Variants in IREB2 observed in about 807,000 individuals in gnomAD.
The protein encoded by IREB2 is iron responsive element binding protein 2, also known as iron-responsive element-binding protein 2.
In IREB2, 39 loss-of-function variants were observed where a neutral mutation model predicts 118.8. The ratio of observed to expected loss-of-function variants is 0.33; its 90% CI spans 0.25 to 0.43. The LOEUF is 0.43. Ranked by LOEUF, IREB2 falls within the 20% of genes least tolerant of loss-of-function variation. The pLI, the probability that IREB2 is intolerant of heterozygous loss-of-function variation, is 1.00. For synonymous variants in IREB2, 372 were observed against 392.2 expected, an observed-to-expected ratio of 0.95 and a Z score of 0.61; for missense variants, 900 against 1,147.3, an observed-to-expected ratio of 0.78 and a Z score of 3.11.
At chr15:78,477,475 AC>A (rs2051491442) in intron 9 of IREB2, among the ~76,000 whole-genome samples, 1 of 152,128 alleles carries the variant, frequency 6.6e-6, no homozygotes, top group Non-Finnish European at 1.5e-5. Flanking sequence ...CAGGCAAAAC[AC>A]CCTCATGTGG....
chr15:78,465,559 T>C (rs558671539), intron 4 of IREB2, among the ~76,000 whole-genome samples, 171 bp downstream of exon 4: 2 of 152,278 alleles, frequency 1.3e-5, no homozygotes, highest in East Asian at 1.9e-4. Flanking sequence ...GTGGTGGGGT[T>C]TTTTTCATGT....
intron 16 of IREB2, among the ~76,000 whole-genome samples, chr15:78,490,199 G>A (rs1024344314): frequency 6.6e-6 from 1 of 152,012 alleles, no homozygotes; most frequent in African/African-American, 2.4e-5. Flanking sequence ...TATCGCTTGA[G>A]CTCAGGAGTT....
chr15:78,450,572 A>G (rs1007647902), intron 2 of IREB2, among the ~76,000 whole-genome samples: 3 of 152,130 alleles, frequency 2.0e-5, no homozygotes, highest in African/African-American at 7.2e-5. Flanking sequence ...GCGTTGGGAA[A>G]ACAGATGCTG....
chr15:78,456,509 T>G (rs1196414012), intron 2 of IREB2, among the ~76,000 whole-genome samples: 2 of 151,568 alleles, frequency 1.3e-5, no homozygotes, highest in East Asian at 3.9e-4. Flanking sequence ...CAAAAAAAAA[T>G]TACGAGAATC....
At chr15:78,493,756 C>T (rs2051791445) in intron 18 of IREB2, among the ~76,000 whole-genome samples, 153 bp from the exon 19 acceptor site, 1 of 152,072 alleles carries the variant, frequency 6.6e-6, no homozygotes, top group Non-Finnish European at 1.5e-5. Context: ...TAAGTTATAG[C>T]TTGGTGATAG....
intron 18 of IREB2, among the ~76,000 whole-genome samples, chr15:78,493,096 CAT>C (rs1036500906): frequency 3.3e-5 from 5 of 152,092 alleles, no homozygotes; most frequent in Non-Finnish European, 5.9e-5. Flanking sequence ...CTGGATCTGA[CAT>C]GTGATTTACA....
At chr15:78,461,757 A>G (rs1007298424) in intron 2 of IREB2, among the ~76,000 whole-genome samples, 1 of 152,166 alleles carries the variant, frequency 6.6e-6, no homozygotes, top group East Asian at 1.9e-4. Flanking sequence ...TTTAGCTCTC[A>G]TTAGCTACTC....
chr15:78,490,269 A>C (rs910490121), intron 16 of IREB2, among the ~76,000 whole-genome samples, 153 bp from the exon 17 acceptor site: 6 of 151,826 alleles, frequency 4.0e-5, no homozygotes, highest in Admixed American at 6.6e-5. Flanking sequence ...AAAAGAATAC[A>C]CTCTTAATTT....
At position 78,466,158 on chromosome 15, in the gene IREB2, T is replaced by G. The variant is rs2051277929; in HGVS notation, c.411-113T>G. On this transcript the variant is annotated intron_variant, in intron 4 of 21. Coordinates refer to ENST00000258886, the MANE Select transcript of IREB2 (RefSeq NM_004136.4). Reference sequence around the variant, plus strand: ...CCTGAGTTAAATGATACATTAGCCTTTAAACATCATTCAGTTACTTCCAGA... The same window carrying G: ...CCTGAGTTAAATGATACATTAGCCTGTAAACATCATTCAGTTACTTCCAGA... 4.8e-6 allele frequency: 3 copies of G among 625,866 alleles called. No individual in the cohort carries two copies. In the East Asian group the frequency reaches 8.3e-5, roughly 17 times the overall value. 38.8% of individuals were successfully genotyped at this position (625,866 alleles called of 1,614,324 possible).
chr15:78,468,769 T>C (rs551189675), intron 5 of IREB2, among the ~76,000 whole-genome samples: 2 of 152,316 alleles, frequency 1.3e-5, no homozygotes, highest in Non-Finnish European at 2.9e-5. Context: ...CCTCGTGTGC[T>C]CTTCCTTTCT....
Position 78,488,316 on chromosome 15 carries a change from A to G in IREB2, c.1931A>G (p.Asp644Gly). The change falls in exon 15 of 22, where the codon GAT (aspartate) becomes GGT (glycine). Residue 644 changes from aspartate (D) to glycine (G), a missense_variant. Asp to Gly is a moderately conservative substitution (Grantham distance 94). Coordinates refer to ENST00000258886, the MANE Select transcript of IREB2 (RefSeq NM_004136.4). The stretch of plus-strand genomic sequence containing the variant: ...GCCATAGCAGGCACAGTGAATATAG[A>G]TTTCCAGACAGAACCTTTAGGTATC... ...AYAIAGTVNI[D>G]FQTEPLGTDP... 3.1e-6 allele frequency: 5 copies of G among 1,595,878 alleles called. No individual in the cohort carries two copies. Among genetic ancestry groups the G allele is most frequent in the Non-Finnish European group, 4.3e-6 (5 of 1,175,040 alleles).
intron 10 of IREB2, among the ~76,000 whole-genome samples, chr15:78,480,737 TA>T (rs1334508376): frequency 2.7e-5 from 4 of 146,274 alleles, no homozygotes; most frequent in African/African-American, 1.0e-4. Context: ...CTCACGCCTG[TA>T]ATCCTAGCAC....
intron 2 of IREB2, among the ~76,000 whole-genome samples, chr15:78,443,565 A>G (rs2050879194): frequency 6.6e-6 from 1 of 151,646 alleles, no homozygotes; most frequent in South Asian, 2.1e-4. Flanking sequence ...CATTGATTAC[A>G]TTTTGATCTT....
chr15:78,476,392 G>A, intron 9 of IREB2, 33 bp downstream of exon 9: 1 of 1,412,628 alleles, frequency 7.1e-7, no homozygotes, highest in Non-Finnish European at 9.7e-7. Flanking sequence ...GAATAAACAT[G>A]TTACATTTCC....
Position 78,478,293 on chromosome 15 carries a change from T to G in IREB2, c.1196-4T>G, listed in dbSNP as rs2051507240. On this transcript the variant is annotated splice_region_variant and splice_polypyrimidine_tract_variant and intron_variant, in intron 9 of 21. Transcript: ENST00000258886. ...TTTTGTTGTTTTGTTCATCTTCGTT[T>G]TAGGTTTTAGCAAAGCCAAACTCGA... 1 of 1,587,584 alleles carries G rather than the reference T, an allele frequency of 6.3e-7. No homozygotes were observed. The highest frequency in any genetic ancestry group is 1.3e-5 in the African/African-American group (1 of 74,396).
intron 3 of IREB2, 59 bp downstream of exon 3, chr15:78,463,146 T>C (rs1209245254): frequency 7.2e-7 from 1 of 1,398,480 alleles, no homozygotes; most frequent in Non-Finnish European, 9.7e-7. Context: ...CTTTTTAAAA[T>C]ACAGACTCTT....
chr15:78,484,469 A>G (rs969839122), intron 11 of IREB2, among the ~76,000 whole-genome samples: 1 of 152,172 alleles, frequency 6.6e-6, no homozygotes, highest in African/African-American at 2.4e-5. Flanking sequence ...ATAAACAGGG[A>G]TGATTAAGAA....
chr15:78,494,638 A>G (rs1262430417), intron 20 of IREB2, among the ~76,000 whole-genome samples: 3 of 152,152 alleles, frequency 2.0e-5, no homozygotes, highest in Non-Finnish European at 4.4e-5. Flanking sequence ...CAGTGGCGCA[A>G]TCACTGCTTG....
At chr15:78,484,087 A>G (rs536268758) in intron 11 of IREB2, among the ~76,000 whole-genome samples, 1 of 152,086 alleles carries the variant, frequency 6.6e-6, no homozygotes, top group South Asian at 2.1e-4. Flanking sequence ...CACCTGGCCT[A>G]CAGTCATAAA....
Sources: gnomAD v4.1 joint callset for allele counts (sites outside exome capture counted in the v4.1 genomes callset) on GRCh38, gnomAD v4.1.1 for gene constraint, MANE v1.5 for transcripts, NCBI Gene and HGNC (gene_info 2026-07-23, HGNC 2026-07-21) for gene names.